The following CSMD1 variants were observed in gnomAD, a reference collection of about 807,000 sequenced individuals.
CSMD1 encodes the protein CUB and Sushi multiple domains 1.
A neutral mutation model predicts 417.5 loss-of-function variants in CSMD1; 213 were observed. The ratio of observed to expected loss-of-function variants is 0.51; its 90% CI spans 0.46 to 0.57. CSMD1 has a LOEUF of 0.57. CSMD1 is among the 20% of genes least tolerant of loss of function. The pLI, the probability that CSMD1 is intolerant of heterozygous loss-of-function variation, is 0.00. For missense variants in CSMD1, 6,923 were observed against 4,529.7 expected, an observed-to-expected ratio of 1.53 and a Z score of -15.17; for synonymous variants, 2,862 against 1,736.8, an observed-to-expected ratio of 1.65 and a Z score of -16.11.
chr8:4,485,988 G>A (rs949530903), intron 2 of CSMD1, among the ~76,000 whole-genome samples: 1 of 151,750 alleles, frequency 6.6e-6, no homozygotes, highest in Non-Finnish European at 1.5e-5. Context: ...AGATCTGCTT[G>A]TGAATCCCTC....
intron 26 of CSMD1, among the ~76,000 whole-genome samples, chr8:3,231,427 A>C (rs1798830766): frequency 6.6e-6 from 1 of 152,172 alleles, no homozygotes; most frequent in Non-Finnish European, 1.5e-5. Context: ...TGTCCATTTT[A>C]ATATTTGAAG....
At chr8:2,968,272 A>G (rs2128930146) in intron 57 of CSMD1, among the ~76,000 whole-genome samples, 1 of 152,348 alleles carries the variant, frequency 6.6e-6, no homozygotes, top group Non-Finnish European at 1.5e-5. Context: ...AGCCTGTCAC[A>G]GAAAGGGAGT....
intron 3 of CSMD1, among the ~76,000 whole-genome samples, chr8:4,320,597 G>C (rs1433480065): frequency 6.6e-6 from 1 of 152,066 alleles, no homozygotes; most frequent in East Asian, 1.9e-4. Flanking sequence ...TTATGAGTGA[G>C]AACATGCGGT....
At chr8:4,946,628 T>C (rs1042644820) in intron 1 of CSMD1, among the ~76,000 whole-genome samples, 1 of 152,206 alleles carries the variant, frequency 6.6e-6, no homozygotes, top group Non-Finnish European at 1.5e-5. Flanking sequence ...ACTAAATTTA[T>C]GCCATATTTA....
At chr8:4,332,525 G>C (rs1447897224) in intron 3 of CSMD1, among the ~76,000 whole-genome samples, 9 of 146,214 alleles carry the variant, frequency 6.2e-5, no homozygotes, top group African/African-American at 2.3e-4. Context: ...TTTTTCCCCA[G>C]TAATACCCTT....
intron 12 of CSMD1, among the ~76,000 whole-genome samples, chr8:3,465,646 A>G (rs1404660228): frequency 6.6e-6 from 1 of 152,138 alleles, no homozygotes; most frequent in Admixed American, 6.5e-5. Context: ...ATTTTACACT[A>G]CTCAGGCTAT....
chr8:3,312,793 G>T (rs1242240271), intron 23 of CSMD1, among the ~76,000 whole-genome samples: 2 of 125,396 alleles, frequency 1.6e-5, no homozygotes, highest in Admixed American at 8.1e-5. Flanking sequence ...GCATCTCTCA[G>T]GTTCTCAAAG....
chr8:4,334,915 T>C (rs1199951087), intron 3 of CSMD1, among the ~76,000 whole-genome samples: 1 of 152,094 alleles, frequency 6.6e-6, no homozygotes, highest in African/African-American at 2.4e-5. Flanking sequence ...GGACCCACTT[T>C]CTACCCCCAC....
intron 3 of CSMD1, among the ~76,000 whole-genome samples, chr8:4,107,760 G>C (rs1034251533): frequency 4.6e-5 from 7 of 152,284 alleles, no homozygotes; most frequent in African/African-American, 1.7e-4. Context: ...TTTGTCACAT[G>C]ACTGCACGAG....
intron 3 of CSMD1, among the ~76,000 whole-genome samples, chr8:4,296,896 C>T (rs538885899): frequency 2.0e-5 from 3 of 152,150 alleles, no homozygotes; most frequent in African/African-American, 4.8e-5. Flanking sequence ...ATGCTCATCT[C>T]ATGGAGATTA....
chr8:3,718,434 T>C (rs747804193), intron 6 of CSMD1, among the ~76,000 whole-genome samples: 6 of 152,218 alleles, frequency 3.9e-5, no homozygotes, highest in Non-Finnish European at 8.8e-5. Flanking sequence ...AGGAAAATCA[T>C]CCTCTGAAAG....
chr8:4,397,235 T>C (rs1804301401), intron 3 of CSMD1, among the ~76,000 whole-genome samples: 1 of 152,152 alleles, frequency 6.6e-6, no homozygotes, highest in Non-Finnish European at 1.5e-5. Flanking sequence ...TTCTGTTTAT[T>C]TAGCGTGTGA....
chr8:3,983,239 T>C (rs1002837567), intron 5 of CSMD1, among the ~76,000 whole-genome samples: 1 of 150,986 alleles, frequency 6.6e-6, no homozygotes, highest in Non-Finnish European at 1.5e-5. Flanking sequence ...CACGCCATTC[T>C]CCTGCCTCAG....
intron 12 of CSMD1, among the ~76,000 whole-genome samples, chr8:3,463,548 C>A (rs886789976): frequency 2.6e-5 from 4 of 152,174 alleles, no homozygotes; most frequent in African/African-American, 7.2e-5. Flanking sequence ...TCTTGTCTGA[C>A]TATGAATAGC....
At chr8:4,658,843 T>G (rs1221096813) in intron 1 of CSMD1, among the ~76,000 whole-genome samples, 1 of 152,168 alleles carries the variant, frequency 6.6e-6, no homozygotes, top group Non-Finnish European at 1.5e-5. Context: ...TATGTTCCTA[T>G]GTGAACATGG....
chr8:3,927,392 C>T (rs991412250), intron 5 of CSMD1, among the ~76,000 whole-genome samples: 3 of 151,978 alleles, frequency 2.0e-5, no homozygotes, highest in Non-Finnish European at 4.4e-5. Flanking sequence ...TACAGCCAGA[C>T]ACAGTGGCTC....
rs559750098 is a variant in CSMD1 at position 4,187,007 on chromosome 8, A to G, written c.416-154908T>C. The stretch of plus-strand genomic sequence containing the variant: ...AAAAAAATATAAATAAAAATAAAAT[A>G]ACAAGTGTTCTTCTTCCTTTATAGA... On this transcript the variant is annotated intron_variant, in intron 3 of 69. Transcript: ENST00000635120. 2.2e-3 allele frequency among the ~76,000 whole-genome samples: 330 copies of G among 152,256 alleles called. 1 individual carries two copies. Among genetic ancestry groups the G allele is most frequent in the Non-Finnish European group, 3.6e-3 (242 of 68,022 alleles).
At chr8:4,730,420 GTCAT>G (rs1277155514) in intron 1 of CSMD1, among the ~76,000 whole-genome samples, 1 of 152,072 alleles carries the variant, frequency 6.6e-6, no homozygotes, top group Non-Finnish European at 1.5e-5. Flanking sequence ...GTTAGGTGGG[GTCAT>G]TCAAAGAATA....
At chr8:4,685,303 T>G (rs191991983) in intron 1 of CSMD1, among the ~76,000 whole-genome samples, 1 of 152,150 alleles carries the variant, frequency 6.6e-6, no homozygotes, top group Non-Finnish European at 1.5e-5. Flanking sequence ...GCCAGGCGTG[T>G]TGGCTCATGC....
Sources: allele counts gnomAD v4.1 joint callset (sites outside exome capture counted in the v4.1 genomes callset), GRCh38; gene constraint gnomAD v4.1.1; transcripts MANE v1.5; gene names NCBI Gene and HGNC (gene_info 2026-07-23, HGNC 2026-07-21).